TRIQK: variants seen among roughly 807,000 people sequenced by gnomAD.
The protein encoded by TRIQK is triple QxxK/R motif-containing protein.
Under a neutral mutation model 10.8 loss-of-function variants are expected in TRIQK, and 10 were observed. The observed-to-expected ratio is 0.92, with a 90% CI of 0.57 to 1.57. TRIQK has a LOEUF of 1.57. TRIQK is among the 40% of genes most tolerant of loss of function. The probability of loss-of-function intolerance (pLI) is 0.00; values close to 1 mark genes in which losing one functional copy is unlikely to be tolerated. For missense variants in TRIQK, 107 were observed against 97.7 expected, an observed-to-expected ratio of 1.09 and a Z score of -0.40; for synonymous variants, 33 against 33.7, an observed-to-expected ratio of 0.98 and a Z score of 0.07.
At chr8:92,934,340 G>A (rs1323181832) in intron 2 of TRIQK, among the ~76,000 whole-genome samples, 1 of 151,836 alleles carries the variant, frequency 6.6e-6, no homozygotes, top group African/African-American at 2.4e-5. Context: ...ATCAGGCTAA[G>A]GGTAATTATT....
chr8:92,884,713 G>A lies in TRIQK; in HGVS notation c.*1909C>T, dbSNP rs1586353323. On this transcript the variant is annotated 3_prime_UTR_variant, in exon 5 of 5. Coordinates refer to ENST00000521988, the MANE Select transcript of TRIQK (RefSeq NM_001171797.2). ...TTTCATTTGGATAAGTATCTAATAAGCAATTATTACATATCCTCTCATTTA... is the reference window on the plus strand; with the variant it reads ...TTTCATTTGGATAAGTATCTAATAAACAATTATTACATATCCTCTCATTTA... 7.6e-6 allele frequency: 3 copies of A among 394,604 alleles called. No homozygotes were observed. The Admixed American group carries it at 8.2e-5, about 11-fold the overall frequency. The allele number at this position is 394,604 out of a possible 1,614,324, so 24.4% of individuals were successfully genotyped here. A position where few individuals can be genotyped will look rare whatever the true frequency, so the allele number is the denominator to read the frequency against.
rs1173281843 is a variant in TRIQK, at chr8:92,937,399, T to TA, written c.-22+17006dup. On this transcript the variant is annotated intron_variant, in intron 2 of 4. Coordinates refer to ENST00000521988, the MANE Select transcript of TRIQK (RefSeq NM_001171797.2). Reference sequence around the variant, plus strand: ...TTAAGATCGCTTGCACAGGGTTATTTATTTAATCAGATTTCTTGACAGTAT... The same window carrying TA: ...TTAAGATCGCTTGCACAGGGTTATTTAATTTAATCAGATTTCTTGACAGTAT... Among the ~76,000 whole-genome samples the TA allele has an allele frequency of 1.3e-5, 2 of 151,896 alleles. 1 individual carries two copies. The highest frequency in any genetic ancestry group is 4.1e-4 in the South Asian group (2 of 4,832).
At chr8:92,973,670 T>C (rs563219102) in intron 1 of TRIQK, 2 of 152,126 alleles carry the variant, frequency 1.3e-5, no homozygotes, top group African/African-American at 4.8e-5. Context: ...TGGTGCAAAG[T>C]GGGAGTAAGG....
At chr8:92,962,196 C>G (rs909375685) in intron 1 of TRIQK, among the ~76,000 whole-genome samples, 3 of 152,116 alleles carry the variant, frequency 2.0e-5, no homozygotes, top group African/African-American at 7.2e-5. Flanking sequence ...CAAATATGAT[C>G]AAATATGTAT....
At chr8:92,896,820 CTTT>C (rs554330610) in intron 3 of TRIQK, among the ~76,000 whole-genome samples, 2 of 141,052 alleles carry the variant, frequency 1.4e-5, no homozygotes, top group African/African-American at 2.6e-5. Flanking sequence ...CTTTTTCTTT[CTTT>C]TTTTTTTTTT....
chr8:92,911,424 T>G (rs1184235151), intron 3 of TRIQK, among the ~76,000 whole-genome samples: 1 of 151,340 alleles, frequency 6.6e-6, no homozygotes, highest in African/African-American at 2.4e-5. Flanking sequence ...AAAAAGCCCT[T>G]ACTATCAAAA....
chr8:92,897,422 T>C (rs1347537869), intron 3 of TRIQK, among the ~76,000 whole-genome samples: 2 of 152,152 alleles, frequency 1.3e-5, no homozygotes, highest in African/African-American at 2.4e-5. Context: ...TTCAACAACA[T>C]TGAGAGGTGG....
chr8:92,972,242 T>C (rs529852573), intron 1 of TRIQK, among the ~76,000 whole-genome samples: 1 of 152,248 alleles, frequency 6.6e-6, no homozygotes, highest in East Asian at 1.9e-4. Context: ...AAATATTTAT[T>C]CAATTTCCAT....
chr8:92,896,347 C>T (rs1406411221), intron 3 of TRIQK, among the ~76,000 whole-genome samples: 1 of 152,180 alleles, frequency 6.6e-6, no homozygotes, highest in Non-Finnish European at 1.5e-5. Context: ...TGGAGGCCCC[C>T]AACTAGACTT....
At chr8:93,011,479 A>G (rs1813334761) in intron 1 of TRIQK, among the ~76,000 whole-genome samples, 1 of 152,116 alleles carries the variant, frequency 6.6e-6, no homozygotes, top group South Asian at 2.1e-4. Flanking sequence ...AGTATTTAAA[A>G]CAGCAACTCA....
intron 1 of TRIQK, among the ~76,000 whole-genome samples, chr8:93,009,511 A>T (rs1357113369): frequency 6.6e-6 from 1 of 152,102 alleles, no homozygotes; most frequent in Non-Finnish European, 1.5e-5. Flanking sequence ...CGGGAGGCTG[A>T]GGCAGGAGAA....
intron 1 of TRIQK, among the ~76,000 whole-genome samples, chr8:92,991,845 T>A (rs1813098919): frequency 6.6e-6 from 1 of 152,064 alleles, no homozygotes; most frequent in African/African-American, 2.4e-5. Flanking sequence ...TCACACACAT[T>A]CCTATACACT....
intron 3 of TRIQK, among the ~76,000 whole-genome samples, chr8:92,896,446 C>T (rs1338742719): frequency 1.3e-5 from 2 of 152,152 alleles, no homozygotes; most frequent in Non-Finnish European, 2.9e-5. Context: ...AGGGCAATGC[C>T]TAGTGAAGCC....
chr8:92,924,814 T>C (rs1188527622), intron 2 of TRIQK, among the ~76,000 whole-genome samples: 1 of 152,016 alleles, frequency 6.6e-6, no homozygotes, highest in East Asian at 1.9e-4. Context: ...ATATTGTCAT[T>C]GAGACAAGTT....
intron 2 of TRIQK, among the ~76,000 whole-genome samples, chr8:92,933,810 G>A (rs1389649338): frequency 6.6e-6 from 1 of 151,894 alleles, no homozygotes; most frequent in Non-Finnish European, 1.5e-5. Flanking sequence ...TTAATCTAAG[G>A]TTTAAACACA....
chr8:92,936,775 G>T (rs1811009377), intron 2 of TRIQK, among the ~76,000 whole-genome samples: 1 of 151,626 alleles, frequency 6.6e-6, no homozygotes, highest in Non-Finnish European at 1.5e-5. Context: ...ATTTGAATCT[G>T]TATGAAATTA....
chr8:92,936,829 T>C (rs1475481111), intron 2 of TRIQK, among the ~76,000 whole-genome samples: 24 of 151,802 alleles, frequency 1.6e-4, no homozygotes, highest in Admixed American at 1.6e-3. Flanking sequence ...AGTTTATATA[T>C]AAAATTCTAA....
At chr8:92,898,868 T>TATATATATAC (rs1563616260) in intron 3 of TRIQK, among the ~76,000 whole-genome samples, 2 of 132,582 alleles carry the variant, frequency 1.5e-5, no homozygotes, top group South Asian at 4.7e-4. Context: ...TATATATATA[T>TATATATATAC]ATATAGATGG....
intron 1 of TRIQK, among the ~76,000 whole-genome samples, chr8:93,004,738 C>T (rs1440670588): frequency 6.6e-6 from 1 of 152,168 alleles, no homozygotes; most frequent in African/African-American, 2.4e-5. Context: ...CCTCCAGATA[C>T]CCTAAATCAT....
Sources: gnomAD v4.1 joint callset for allele counts (sites outside exome capture counted in the v4.1 genomes callset) on GRCh38, gnomAD v4.1.1 for gene constraint, MANE v1.5 for transcripts, NCBI Gene and HGNC (gene_info 2026-07-23, HGNC 2026-07-21) for gene names.